PKHD1L1: variants seen among roughly 807,000 people sequenced by gnomAD.
The protein encoded by PKHD1L1 is PKHD1 like 1.
PKHD1L1 carries 434 observed loss-of-function variants against 462.9 expected under a neutral mutation model. The observed-to-expected ratio is 0.94, with a 90% CI of 0.87 to 1.02. PKHD1L1 has a LOEUF of 1.02. Among genes scored for constraint, PKHD1L1 ranks in the 50% least tolerant of loss-of-function variants. PKHD1L1 has a pLI of 0.00. For missense variants in PKHD1L1, 5,202 were observed against 5,096.1 expected (o/e 1.02, Z -0.63); for synonymous variants, 1,781 against 1,750.0 (o/e 1.02, Z -0.44).
At chr8:109,382,615 C>T in intron 4 of PKHD1L1, 44 bp downstream of exon 4, 2 of 1,495,954 alleles carry the variant, frequency 1.3e-6, no homozygotes, top group Non-Finnish European at 1.8e-6. Context: ...GTTGATCTTG[C>T]TTTCTTTCCT....
At position 109,464,703 on chromosome 8, in the gene PKHD1L1, T is replaced by A; in HGVS notation, c.7871T>A (p.Met2624Lys). ...GTCCATTCTCAAGGTTGGTTTGGAA[T>A]GTGGATCTTTGAGGAATATTTCCCC... ...NTVHSQGWFG[M>K]WIFEEYFPMQ... Residue 2624 changes from methionine (M) to lysine (K), a missense_variant, in exon 49 of 78, where the codon ATG becomes AAG. By Grantham distance (95) the Met-to-Lys change is moderately conservative. Around this residue, in one of 3 missense-constraint regions of PKHD1L1, gnomAD observed 4,497 missense variants for 4,336.8 expected, o/e 1.04. Coordinates refer to ENST00000378402, the MANE Select transcript of PKHD1L1 (RefSeq NM_177531.6). 1 of 1,613,828 alleles carries A rather than the reference T, an allele frequency of 6.2e-7. No individual in the cohort carries two copies. The highest frequency in any genetic ancestry group is 8.5e-7 in the Non-Finnish European group (1 of 1,179,822).
At position 109,390,489 on chromosome 8, in the gene PKHD1L1, T is replaced by C; in HGVS notation, c.735T>C (p.Tyr245=). ...HNVSFILDND[Y]GRSFPQKMAY... is the part of the protein sequence containing the mutation. ...TCAGCTTCATCTTAGATAATGATTATGGAAGGTAGGCTATTTTGTAAATAA... is the reference window on the plus strand; with the variant it reads ...TCAGCTTCATCTTAGATAATGATTACGGAAGGTAGGCTATTTTGTAAATAA... Residue 245 remains tyrosine (Y), a synonymous_variant, in exon 9 of 78, where the codon TAT becomes TAC. Transcript: ENST00000378402. The C allele has an allele frequency of 6.9e-7, 1 of 1,448,940 alleles. No individual in the cohort carries two copies. 89.8% of individuals were successfully genotyped at this position (1,448,940 alleles called of 1,614,324 possible).
At chr8:109,394,893 A>T (rs1201836169) in intron 10 of PKHD1L1, among the ~76,000 whole-genome samples, 1 of 152,180 alleles carries the variant, frequency 6.6e-6, no homozygotes, top group African/African-American at 2.4e-5. Flanking sequence ...CATTTAATCC[A>T]CTGAATGTGT....
rs1374202824 is a variant in PKHD1L1 at position 109,378,933 on chromosome 8, T to TC, written c.164-2432dup. 5.3e-5 allele frequency among the ~76,000 whole-genome samples: 8 copies of TC among 151,980 alleles called. No homozygotes were observed. The East Asian group carries it at 1.5e-3, about 29-fold the overall frequency. Reference sequence around the variant, plus strand: ...TCAACTTAACTTCCGCAAGAGAACATCCCCCACAGAGGAGATGGAATAAAC... The same window carrying TC: ...TCAACTTAACTTCCGCAAGAGAACATCCCCCCACAGAGGAGATGGAATAAAC... On this transcript the variant is annotated intron_variant, in intron 2 of 77. Coordinates refer to ENST00000378402, the MANE Select transcript of PKHD1L1 (RefSeq NM_177531.6).
At chr8:109,433,522 A>G (rs1265133207) in intron 28 of PKHD1L1, among the ~76,000 whole-genome samples, 1 of 152,146 alleles carries the variant, frequency 6.6e-6, no homozygotes, top group Non-Finnish European at 1.5e-5. Flanking sequence ...TCTCTGGGAC[A>G]CAAAAATGTA....
Position 109,459,592 on chromosome 8 carries a change from C to T in PKHD1L1, c.7005-3C>T, listed in dbSNP as rs1324664333. On this transcript the variant is annotated splice_polypyrimidine_tract_variant and splice_region_variant and intron_variant, in intron 46 of 77. Transcript: ENST00000378402. ...TAAAATTTTTTTGTCAAAATTTTTA[C>T]AGACACAGTCAAGGAGAGAATGAAA... 2 of 1,491,052 alleles carry T rather than the reference C, an allele frequency of 1.3e-6. No homozygotes were observed. Among genetic ancestry groups the T allele is most frequent in the Middle Eastern group, 1.8e-4 (1 of 5,678 alleles). The allele number at this position is 1,491,052 out of a possible 1,614,324, so 92.4% of individuals were successfully genotyped here.
intron 9 of PKHD1L1, among the ~76,000 whole-genome samples, chr8:109,392,725 T>A (rs1812771889): frequency 3.9e-5 from 6 of 152,158 alleles, no homozygotes; most frequent in Admixed American, 3.9e-4. Context: ...AAATACATTA[T>A]TTTTTGAATG....
At position 109,491,851 on chromosome 8, in the gene PKHD1L1, CT is replaced by C. The variant is rs369928128; in HGVS notation, c.10115-15del. 1,016 of 1,529,720 alleles carry C rather than the reference CT, an allele frequency of 6.6e-4. 1 individual carries two copies. The highest frequency in any genetic ancestry group is 7.4e-4 in the Non-Finnish European group (840 of 1,134,568). The allele number at this position is 1,529,720 out of a possible 1,614,324, so 94.8% of individuals were successfully genotyped here. ...CTTATGTTTTTTGGGGATTTTCTTT[CT>C]TTTTTTCTTTTTTTAAACAGGCATA... On this transcript the variant is annotated intron_variant, in intron 61 of 77. Transcript: ENST00000378402.
chr8:109,515,843 C>G (rs1186398186), intron 72 of PKHD1L1, among the ~76,000 whole-genome samples: 9 of 152,110 alleles, frequency 5.9e-5, no homozygotes, highest in Admixed American at 5.9e-4. Flanking sequence ...TTTATCTCTG[C>G]TTATGTAAGT....
In PKHD1L1 at chr8:109,530,975, GT is replaced by G. The variant is rs2131061461; in HGVS notation, c.*886del. Among the ~76,000 whole-genome samples, 1 of 152,258 alleles carries G rather than the reference GT, an allele frequency of 6.6e-6. No individual in the cohort carries two copies. Among genetic ancestry groups the G allele is most frequent in the African/African-American group, 2.4e-5 (1 of 41,558 alleles). ...GAATGCAAAAAAGCTACAGACTAAG[GT>G]AGCTAAGTTAACCGAACTCTCTAAC... On this transcript the variant is annotated 3_prime_UTR_variant, in exon 78 of 78. Transcript: ENST00000378402.
At position 109,534,108 on chromosome 8, in the gene PKHD1L1, G is replaced by C. The variant is rs1487096331; in HGVS notation, c.*4018G>C. ...TAATGGGAAAGGTGGACAATGCCAAGGTTAAAATACCACATGCATCTTTGA... is the reference window on the plus strand; with the variant it reads ...TAATGGGAAAGGTGGACAATGCCAACGTTAAAATACCACATGCATCTTTGA... On this transcript the variant is annotated 3_prime_UTR_variant, in exon 78 of 78. Transcript: ENST00000378402. 6.6e-6 allele frequency among the ~76,000 whole-genome samples: 1 copy of C among 152,216 alleles called. No individual in the cohort carries two copies. The highest frequency in any genetic ancestry group is 6.5e-5 in the Admixed American group (1 of 15,286).
chr8:109,396,491 C>T (rs1334037168), intron 11 of PKHD1L1, among the ~76,000 whole-genome samples: 1 of 152,202 alleles, frequency 6.6e-6, no homozygotes, highest in Non-Finnish European at 1.5e-5. Flanking sequence ...TGTTATTTCT[C>T]AGCGAGTTAG....
At position 109,427,045 on chromosome 8, in the gene PKHD1L1, CCA is replaced by C; in HGVS notation, c.2890_2891del (p.Gln964GlufsTer38). ...CAGCTGCAGATCTGCAGTTTGCACTCCAGAGTCTGGAGGGAATGGGAAGAATC... is the reference window on the plus strand; with the variant it reads ...CAGCTGCAGATCTGCAGTTTGCACTCGAGTCTGGAGGGAATGGGAAGAATC... ...VSAADLQFAL[Q>X]SLEGMGRISV... On this transcript the variant is annotated frameshift_variant, in exon 25 of 78. Transcript: ENST00000378402. LOFTEE classifies it high-confidence loss of function. 1 of 1,612,156 alleles carries C rather than the reference CCA, an allele frequency of 6.2e-7. No individual in the cohort carries two copies. Among genetic ancestry groups the C allele is most frequent in the African/African-American group, 1.3e-5 (1 of 74,996 alleles).
chr8:109,432,445 T>C (rs1488312371), intron 27 of PKHD1L1, among the ~76,000 whole-genome samples: 1 of 152,194 alleles, frequency 6.6e-6, no homozygotes, highest in Non-Finnish European at 1.5e-5. Context: ...GTAGAATCTA[T>C]ATTGTGCATG....
At chr8:109,399,492 G>A (rs1290065534) in intron 12 of PKHD1L1, among the ~76,000 whole-genome samples, 2 of 152,086 alleles carry the variant, frequency 1.3e-5, no homozygotes, top group Non-Finnish European at 2.9e-5. Flanking sequence ...GCAAGTATAG[G>A]TACAGTTTAT....
rs1391330508 is a variant in PKHD1L1, at chr8:109,461,887, T to A, written c.7362T>A (p.Thr2454=). The A allele has an allele frequency of 6.9e-6, 11 of 1,602,890 alleles. No individual in the cohort carries two copies. Among genetic ancestry groups the A allele is most frequent in the Non-Finnish European group, 8.5e-6 (10 of 1,174,162 alleles). The change falls in exon 48 of 78, where the codon ACT becomes ACA. Residue 2454 remains threonine (T), a synonymous_variant. Coordinates refer to ENST00000378402, the MANE Select transcript of PKHD1L1 (RefSeq NM_177531.6). ...CTGTACCTGGTGCTAACATGGTAAC[T>A]GGGAGAATAGAATATGTAGAGGTGA... The part of the protein sequence containing the change: ...HAPVPGANMV[T]GRIEYVEVFH...
At chr8:109,439,758 G>T (rs1185559331) in intron 32 of PKHD1L1, among the ~76,000 whole-genome samples, 1 of 152,070 alleles carries the variant, frequency 6.6e-6, no homozygotes, top group Non-Finnish European at 1.5e-5. Flanking sequence ...CTAGTATGAG[G>T]AAGTTATTGG....
chr8:109,389,209 G>A (rs2130471470), intron 8 of PKHD1L1, 57 bp downstream of exon 8: 1 of 1,413,276 alleles, frequency 7.1e-7, no homozygotes. Flanking sequence ...CTATTTCCCT[G>A]TTTTGTATTC....
In PKHD1L1 at chr8:109,454,835, G is replaced by A. The variant is rs1314472803; in HGVS notation, c.6857G>A (p.Gly2286Glu). 1 of 1,613,710 alleles carries A rather than the reference G, an allele frequency of 6.2e-7. No individual in the cohort carries two copies. The highest frequency in any genetic ancestry group is 8.5e-7 in the Non-Finnish European group (1 of 1,179,716). Residue 2286 changes from glycine to glutamate, a missense_variant, in exon 45 of 78, where the codon GGA (glycine) becomes GAA (glutamate). Physicochemically the swap from Gly to Glu is moderately conservative, Grantham distance 98 (BLOSUM62 -2). Transcript: ENST00000378402. ...GCCAAAACACTGGCTGTGCGGGAGG[G>A]AATCCTGGATCTGCACGGTACTGTG... ...YGAKTLAVRE[G>E]ILDLHGVPVP...
Sources: gnomAD v4.1 joint callset for allele counts (sites outside exome capture counted in the v4.1 genomes callset) on GRCh38, gnomAD v4.1.1 for gene constraint, gnomAD v4.1.1 regional missense constraint, MANE v1.5 for transcripts, NCBI Gene and HGNC (gene_info 2026-07-23, HGNC 2026-07-21) for gene names.